The following NELL1 variants were observed in gnomAD, a reference collection of about 807,000 sequenced individuals.
The protein encoded by NELL1 is neural EGFL like 1, also known as protein kinase C-binding protein NELL1.
NELL1 carries 76 observed loss-of-function variants against 107.4 expected under a neutral mutation model. That is an observed-to-expected ratio of 0.71 (90% CI 0.59 to 0.86). NELL1 has a LOEUF of 0.86. Among genes scored for constraint, NELL1 ranks in the 40% least tolerant of loss-of-function variants. The probability of loss-of-function intolerance (pLI) is 0.00; values close to 1 mark genes in which losing one functional copy is unlikely to be tolerated. For missense variants in NELL1, 1,024 were observed against 1,005.5 expected (o/e 1.02, Z -0.25); for synonymous variants, 353 against 341.2 (o/e 1.03, Z -0.38).
At chr11:21,006,037 T>TG (rs200663974) in intron 12 of NELL1, among the ~76,000 whole-genome samples, 3,490 of 149,774 alleles carry the variant, frequency 0.023, 114 homozygotes, top group African/African-American at 0.072. Context: ...TTCATAGATT[T>TG]GGGGGGGGGA....
intron 13 of NELL1, among the ~76,000 whole-genome samples, chr11:21,163,041 G>C (rs893105958): frequency 6.6e-6 from 1 of 152,226 alleles, no homozygotes; most frequent in African/African-American, 2.4e-5. Flanking sequence ...ATGAGACTGT[G>C]AGACTTTACT....
chr11:21,339,280 A>G (rs1164803358), intron 14 of NELL1, among the ~76,000 whole-genome samples: 2 of 152,190 alleles, frequency 1.3e-5, no homozygotes, highest in Non-Finnish European at 2.9e-5. Flanking sequence ...TATAAAGGTA[A>G]AGGCAGAGAT....
chr11:21,052,967 C>T (rs924041766), intron 12 of NELL1, among the ~76,000 whole-genome samples: 1 of 152,042 alleles, frequency 6.6e-6, no homozygotes, highest in Non-Finnish European at 1.5e-5. Flanking sequence ...GTGGCAGAGA[C>T]ACCAGGCAGC....
At chr11:21,446,381 G>A (rs1177669512) in intron 15 of NELL1, among the ~76,000 whole-genome samples, 2 of 151,436 alleles carry the variant, frequency 1.3e-5, no homozygotes, top group Admixed American at 1.3e-4. Flanking sequence ...ATGTTTTCCT[G>A]GACCATTTTA....
At chr11:20,884,843 A>C (rs1849475499) in intron 4 of NELL1, among the ~76,000 whole-genome samples, 2 of 152,208 alleles carry the variant, frequency 1.3e-5, no homozygotes, top group South Asian at 4.1e-4. Flanking sequence ...AGCTTAGAGC[A>C]TAAAAAGTGT....
intron 7 of NELL1, among the ~76,000 whole-genome samples, chr11:20,924,210 T>G (rs148240378): frequency 6.3e-4 from 96 of 152,344 alleles, no homozygotes; most frequent in African/African-American, 2.3e-3. Flanking sequence ...CATTTTTTGA[T>G]TCACAGTTGT....
chr11:21,200,885 ATAGAG>A (rs1857254559), intron 13 of NELL1, among the ~76,000 whole-genome samples: 1 of 152,192 alleles, frequency 6.6e-6, no homozygotes, highest in Admixed American at 6.5e-5. Flanking sequence ...CATTTATTAA[ATAGAG>A]TATTCTTTCC....
intron 14 of NELL1, among the ~76,000 whole-genome samples, chr11:21,319,669 G>T (rs1360708138): frequency 1.3e-5 from 2 of 151,706 alleles, no homozygotes; most frequent in African/African-American, 4.9e-5. Context: ...AAACTCTTGG[G>T]CTAGGTGCGG....
chr11:21,571,518 A>G (rs912507119), intron 18 of NELL1, among the ~76,000 whole-genome samples: 3 of 151,882 alleles, frequency 2.0e-5, no homozygotes, highest in African/African-American at 7.2e-5. Flanking sequence ...CAAGATATGT[A>G]AGAAGGACAA....
intron 14 of NELL1, among the ~76,000 whole-genome samples, chr11:21,272,350 G>T (rs912157697): frequency 6.6e-6 from 1 of 152,190 alleles, no homozygotes; most frequent in African/African-American, 2.4e-5. Context: ...CAGTGAGGCC[G>T]GGGGAGGGGG....
At chr11:21,366,918 A>G (rs1170578981) in intron 14 of NELL1, among the ~76,000 whole-genome samples, 1 of 152,102 alleles carries the variant, frequency 6.6e-6, no homozygotes, top group Admixed American at 6.6e-5. Flanking sequence ...ATTACTTTTT[A>G]TTAGTGTAGA....
At chr11:21,310,251 T>C (rs1849722194) in intron 14 of NELL1, among the ~76,000 whole-genome samples, 1 of 152,112 alleles carries the variant, frequency 6.6e-6, no homozygotes. Context: ...TGTGCTTTCT[T>C]TTACATCAAT....
chr11:21,510,305 G>T (rs11601433), intron 15 of NELL1, among the ~76,000 whole-genome samples: 24,450 of 152,170 alleles, frequency 0.16, 2,036 homozygotes, highest in Admixed American at 0.17. Flanking sequence ...CATGCTGGAG[G>T]GGAGCACAGA....
intron 3 of NELL1, among the ~76,000 whole-genome samples, chr11:20,789,918 T>G (rs1857041268): frequency 6.6e-6 from 1 of 151,944 alleles, no homozygotes; most frequent in African/African-American, 2.4e-5. Flanking sequence ...GATGTCTGCT[T>G]AAGTTTCAGC....
intron 15 of NELL1, among the ~76,000 whole-genome samples, chr11:21,420,647 A>C (rs1336853484): frequency 6.6e-6 from 1 of 152,188 alleles, no homozygotes; most frequent in Non-Finnish European, 1.5e-5. Flanking sequence ...TTAGACTCCC[A>C]GGTCCCCTTT....
chr11:21,261,014 T>C (rs1848518565), intron 14 of NELL1, among the ~76,000 whole-genome samples: 1 of 151,796 alleles, frequency 6.6e-6, no homozygotes, highest in African/African-American at 2.4e-5. Context: ...GAACCCTCTA[T>C]ACCTTATTGA....
intron 16 of NELL1, among the ~76,000 whole-genome samples, chr11:21,558,243 T>C (rs1435458862): frequency 6.6e-6 from 1 of 151,710 alleles, no homozygotes; most frequent in Non-Finnish European, 1.5e-5. Flanking sequence ...TAAGACACAG[T>C]TGTTTCATAG....
At chr11:21,124,777 T>A (rs797019904) in intron 13 of NELL1, among the ~76,000 whole-genome samples, 5 of 152,098 alleles carry the variant, frequency 3.3e-5, no homozygotes, top group African/African-American at 1.2e-4. Flanking sequence ...AATTTTGTAT[T>A]TTTAGTACAG....
At chr11:21,279,907 A>G (rs1358473467) in intron 14 of NELL1, among the ~76,000 whole-genome samples, 2 of 152,248 alleles carry the variant, frequency 1.3e-5, no homozygotes, top group South Asian at 2.1e-4. Context: ...CTATCAAGCC[A>G]TGAAAAGAAA....
Sources: gnomAD v4.1 joint callset for allele counts (sites outside exome capture counted in the v4.1 genomes callset) on GRCh38, gnomAD v4.1.1 for gene constraint, MANE v1.5 for transcripts, NCBI Gene and HGNC (gene_info 2026-07-23, HGNC 2026-07-21) for gene names.